TCF4: variants seen among roughly 807,000 people sequenced by gnomAD.
TCF4 encodes transcription factor 4.
TCF4 carries 3 observed loss-of-function variants against 82.1 expected under a neutral mutation model. The ratio of observed to expected loss-of-function variants is 0.04; its 90% CI spans 0.02 to 0.09. TCF4 has a LOEUF of 0.09. TCF4 is among the 10% of genes least tolerant of loss of function. The pLI is 1.00. For synonymous variants in TCF4, 276 were observed against 309.6 expected (o/e 0.89, Z 1.14); for missense variants, 518 against 852.7 (o/e 0.61, Z 4.89).
intron 3 of TCF4, among the ~76,000 whole-genome samples, chr18:55,464,686 C>CT (rs1463287369): frequency 5.9e-5 from 9 of 151,630 alleles, no homozygotes; most frequent in South Asian, 2.1e-4. Context: ...TGAAACAAAA[C>CT]TTTTTTTTAG....
At chr18:55,228,539 C>T (rs1196856694) in intron 18 of TCF4, among the ~76,000 whole-genome samples, 178 bp from the exon 19 acceptor site, 1 of 152,180 alleles carries the variant, frequency 6.6e-6, no homozygotes, top group African/African-American at 2.4e-5. Flanking sequence ...AGGTGAACTG[C>T]ATGTGAGTGT....
At chr18:55,297,966 T>C (rs1368754864) in intron 8 of TCF4, among the ~76,000 whole-genome samples, 1 of 152,200 alleles carries the variant, frequency 6.6e-6, no homozygotes, top group Non-Finnish European at 1.5e-5. Context: ...ATTTTAAAAG[T>C]TGTCTTGAAT....
intron 3 of TCF4, among the ~76,000 whole-genome samples, chr18:55,528,304 C>A (rs909721063): frequency 4.5e-4 from 69 of 152,244 alleles, no homozygotes; most frequent in African/African-American, 1.6e-3. Context: ...GTAAGAAAAT[C>A]AATTTCATTT....
At chr18:55,351,044 T>A (rs771284013) in intron 6 of TCF4, 41 bp from the exon 7 acceptor site, 32 of 1,612,020 alleles carry the variant, frequency 2.0e-5, no homozygotes, top group Non-Finnish European at 2.4e-5. Context: ...TAAGGTTAAT[T>A]TTTTACTTTC....
intron 6 of TCF4, among the ~76,000 whole-genome samples, chr18:55,385,019 C>T (rs1393450839): frequency 6.6e-6 from 1 of 152,136 alleles, no homozygotes; most frequent in Non-Finnish European, 1.5e-5. Flanking sequence ...TCTCTTTCCT[C>T]TTTCTCCCTC....
chr18:55,355,673 T>C (rs1039180286), intron 6 of TCF4, among the ~76,000 whole-genome samples: 17 of 152,188 alleles, frequency 1.1e-4, no homozygotes, highest in African/African-American at 3.6e-4. Context: ...ACCTTTATAA[T>C]TTATTTTTAT....
intron 3 of TCF4, among the ~76,000 whole-genome samples, chr18:55,474,637 A>G (rs1381089200): frequency 6.6e-6 from 1 of 152,210 alleles, no homozygotes; most frequent in Non-Finnish European, 1.5e-5. Context: ...GAACCTCATA[A>G]AAAACACAGA....
intron 8 of TCF4, among the ~76,000 whole-genome samples, chr18:55,307,750 T>C (rs2070851282): frequency 1.3e-5 from 2 of 152,126 alleles, no homozygotes; most frequent in African/African-American, 4.8e-5. Context: ...CCATAATTAT[T>C]ACAAACAAAA....
chr18:55,321,406 A>C (rs2075450755), intron 8 of TCF4: 2 of 527,128 alleles, frequency 3.8e-6, no homozygotes, highest in Admixed American at 6.4e-5. Flanking sequence ...CCTGACTGCA[A>C]ACTTTCGCTC....
At chr18:55,383,292 G>A (rs1788019) in intron 6 of TCF4, among the ~76,000 whole-genome samples, 39,400 of 152,112 alleles carry the variant, frequency 0.26, 5,388 homozygotes, top group East Asian at 0.53. Context: ...AATCATCAGA[G>A]GGGAGAACAA....
intron 2 of TCF4, chr18:55,586,069 T>C (rs2097642198): frequency 2.1e-6 from 3 of 1,422,456 alleles, no homozygotes; most frequent in Non-Finnish European, 1.9e-6. Context: ...AGGGCTACGT[T>C]TCCTGGCAAA....
intron 6 of TCF4, among the ~76,000 whole-genome samples, chr18:55,385,283 G>A (rs1237481999): frequency 6.6e-6 from 1 of 152,190 alleles, no homozygotes; most frequent in Non-Finnish European, 1.5e-5. Flanking sequence ...TGATTTAGTT[G>A]GGAACTTGCA....
chr18:55,510,668 T>C (rs2096817878), intron 3 of TCF4: 1 of 1,486,850 alleles, frequency 6.7e-7, no homozygotes, highest in African/African-American at 1.4e-5. Context: ...TTCGTAAACT[T>C]TTAAAGTTTG....
chr18:55,617,013 C>T (rs2097712810), intron 2 of TCF4, among the ~76,000 whole-genome samples: 1 of 152,008 alleles, frequency 6.6e-6, no homozygotes, highest in Non-Finnish European at 1.5e-5. Context: ...ATTGCCAAGA[C>T]CAATATTGTG....
chr18:55,498,395 C>T (rs1333744936), intron 3 of TCF4, among the ~76,000 whole-genome samples: 1 of 152,176 alleles, frequency 6.6e-6, no homozygotes, highest in African/African-American at 2.4e-5. Flanking sequence ...TTCTGCCATA[C>T]CAGAGTAGAC....
At chr18:55,570,290 G>C (rs2097450886) in intron 3 of TCF4, among the ~76,000 whole-genome samples, 2 of 152,110 alleles carry the variant, frequency 1.3e-5, no homozygotes, top group Admixed American at 6.5e-5. Flanking sequence ...GTACAACCTT[G>C]GGGTAAGAAG....
At chr18:55,259,919 T>G (rs143555588) in intron 13 of TCF4, 30 bp downstream of exon 13, 3 of 1,564,812 alleles carry the variant, frequency 1.9e-6, no homozygotes, top group African/African-American at 2.7e-5. Flanking sequence ...TAAACTGTTA[T>G]ATGATGAAAT....
At chr18:55,361,132 C>G (rs1274309873) in intron 6 of TCF4, among the ~76,000 whole-genome samples, 1 of 152,100 alleles carries the variant, frequency 6.6e-6, no homozygotes, top group Non-Finnish European at 1.5e-5. Flanking sequence ...TCAGACTTCC[C>G]TCTCCCCATC....
intron 5 of TCF4, among the ~76,000 whole-genome samples, chr18:55,458,747 A>G (rs1160315022): frequency 2.6e-5 from 4 of 152,216 alleles, no homozygotes; most frequent in South Asian, 2.1e-4. Flanking sequence ...TTAATGCAGC[A>G]TAAGAGTCAA....
Sources: allele counts gnomAD v4.1 joint callset (sites outside exome capture counted in the v4.1 genomes callset), GRCh38; gene constraint gnomAD v4.1.1; transcripts MANE v1.5; gene names NCBI Gene and HGNC (gene_info 2026-07-23, HGNC 2026-07-21).